Variants in CLOCK observed in about 807,000 individuals in gnomAD.
CLOCK encodes the protein clock circadian regulator, also known as circadian locomoter output cycles protein kaput.
Under a neutral mutation model 118.4 loss-of-function variants are expected in CLOCK, and 43 were observed. That is an observed-to-expected ratio of 0.36 (90% confidence interval 0.28 to 0.47). The LOEUF (loss-of-function observed/expected upper bound fraction) is 0.47. Among genes scored for constraint, CLOCK ranks in the 20% least tolerant of loss-of-function variants. The pLI is 1.00. For synonymous variants in CLOCK, 326 were observed against 339.2 expected (o/e 0.96, Z 0.43); for missense variants, 846 against 999.9 (o/e 0.85, Z 2.08).
intron 1 of CLOCK, among the ~76,000 whole-genome samples, chr4:55,512,483 C>T (rs903113513): frequency 6.6e-6 from 1 of 152,034 alleles, no homozygotes; most frequent in African/African-American, 2.4e-5. Context: ...GGATAAAAGT[C>T]CTTTATCAAA....
intron 14 of CLOCK, 44 bp from the exon 15 acceptor site, chr4:55,453,173 G>A (rs199827140): frequency 5.7e-4 from 827 of 1,453,624 alleles, no homozygotes; most frequent in Non-Finnish European, 7.0e-4. Context: ...CTGGTCATTC[G>A]TTTAAAATAC....
chr4:55,490,825 C>T (rs967307350), intron 2 of CLOCK, among the ~76,000 whole-genome samples: 20 of 152,284 alleles, frequency 1.3e-4, no homozygotes, highest in Admixed American at 7.2e-4. Context: ...AGAAGGCCAA[C>T]TGTATAGACC....
At chr4:55,544,460 ACAGT>A (rs1731479817) in intron 1 of CLOCK, among the ~76,000 whole-genome samples, 1 of 152,198 alleles carries the variant, frequency 6.6e-6, no homozygotes, top group African/African-American at 2.4e-5. Context: ...CCAAATGTAA[ACAGT>A]CATATATTTT....
In CLOCK at chr4:55,430,366, A is replaced by T. The variant is rs560589360; in HGVS notation, c.*5049T>A. The T allele has an allele frequency of 6.6e-6, 1 of 152,326 alleles. No homozygotes were observed. Among genetic ancestry groups the T allele is most frequent in the African/African-American group, 2.4e-5 (1 of 41,578 alleles). The allele number at this position is 152,326 out of a possible 1,614,324, so 9.4% of individuals were successfully genotyped here. A position where few individuals can be genotyped will look rare whatever the true frequency, so the allele number is the denominator to read the frequency against. On this transcript the variant is annotated 3_prime_UTR_variant, in exon 23 of 23. Coordinates refer to ENST00000513440, the MANE Select transcript of CLOCK (RefSeq NM_004898.4). The stretch of plus-strand genomic sequence containing the variant: ...CTGCAGAGTATTTTATTTAAGAAAA[A>T]CAAGGAATGTAGTGTTATGACATAG...
At chr4:55,501,433 TAAGAGA>T (rs1728434469) in intron 2 of CLOCK, among the ~76,000 whole-genome samples, 1 of 152,138 alleles carries the variant, frequency 6.6e-6, no homozygotes, top group Non-Finnish European at 1.5e-5. Context: ...TCTTTTTTTT[TAAGAGA>T]CAGGATCTCA....
At chr4:55,466,279 T>A (rs1487641013) in intron 8 of CLOCK, among the ~76,000 whole-genome samples, 1 of 152,148 alleles carries the variant, frequency 6.6e-6, no homozygotes, top group South Asian at 2.1e-4. Context: ...CCTGCTGCCA[T>A]GTGAAGAGGG....
Position 55,442,586 on chromosome 4 carries a change from T to C in CLOCK, c.1951A>G (p.Ser651Gly), listed in dbSNP as rs1250620057. The C allele has an allele frequency of 6.2e-7, 1 of 1,612,374 alleles. No homozygotes were observed. The highest frequency in any genetic ancestry group is 1.7e-5 in the Admixed American group (1 of 59,738). The change falls in exon 21 of 23, where the codon AGT (serine) becomes GGT (glycine). Residue 651 changes from serine (S) to glycine (G), a missense_variant. Physicochemically the swap from Ser to Gly is moderately conservative, Grantham distance 56. This residue lies in a region of CLOCK where 520 missense variants were observed against 558.0 expected (regional missense o/e 0.93). Coordinates refer to ENST00000513440, the MANE Select transcript of CLOCK (RefSeq NM_004898.4). ...GCTGTAAGAGTGCTCTGTGTCTGAC[T>C]GGGTAGAGATGTTTGCTGACTGTGC... ...SGHSQQTSLP[S>G]QTQSTLTAPL...
chr4:55,467,251 G>C (rs1349461793), intron 8 of CLOCK, among the ~76,000 whole-genome samples: 2 of 152,046 alleles, frequency 1.3e-5, no homozygotes, highest in Non-Finnish European at 2.9e-5. Context: ...ATTAGAAAGG[G>C]ATTTTTTTAA....
intron 20 of CLOCK, among the ~76,000 whole-genome samples, 197 bp from the exon 21 acceptor site, chr4:55,442,831 G>C (rs1386906954): frequency 6.6e-6 from 1 of 152,026 alleles, no homozygotes; most frequent in East Asian, 1.9e-4. Context: ...TATCTTGCTG[G>C]AAGGCAAGCT....
At chr4:55,455,272 A>G (rs982393459) in intron 13 of CLOCK, among the ~76,000 whole-genome samples, 10 of 152,238 alleles carry the variant, frequency 6.6e-5, no homozygotes, top group Non-Finnish European at 1.3e-4. Flanking sequence ...CCTAGGCTCC[A>G]ATCCTGTCTC....
At chr4:55,490,454 A>G (rs1284749297) in intron 2 of CLOCK, among the ~76,000 whole-genome samples, 1 of 151,964 alleles carries the variant, frequency 6.6e-6, no homozygotes, top group Non-Finnish European at 1.5e-5. Context: ...TAATGGACAG[A>G]TAATCCAAGA....
At chr4:55,440,887 G>A (rs555311000) in intron 21 of CLOCK, among the ~76,000 whole-genome samples, 21 of 152,212 alleles carry the variant, frequency 1.4e-4, no homozygotes, top group African/African-American at 4.8e-4. Flanking sequence ...AAGAGTCAGG[G>A]CAAGTATCTC....
intron 14 of CLOCK, 65 bp downstream of exon 14, chr4:55,453,612 G>A: frequency 6.8e-7 from 1 of 1,461,624 alleles, no homozygotes; most frequent in South Asian, 1.2e-5. Context: ...ACGCATAAAA[G>A]TTACAATGCC....
chr4:55,498,168 A>T (rs1728204903), intron 2 of CLOCK, among the ~76,000 whole-genome samples: 1 of 152,208 alleles, frequency 6.6e-6, no homozygotes, highest in Admixed American at 6.5e-5. Flanking sequence ...ATTATGTACT[A>T]CATCTATGAG....
At chr4:55,479,480 T>A (rs573237136) in intron 5 of CLOCK, among the ~76,000 whole-genome samples, 160 bp downstream of exon 5, 1 of 152,312 alleles carries the variant, frequency 6.6e-6, no homozygotes, top group South Asian at 2.1e-4. Context: ...AGATATTTAA[T>A]TTATAAACTA....
rs753672173 is a variant in CLOCK at position 55,453,671 on chromosome 4, T to C, written c.1130+6A>G. 14 of 1,607,266 alleles carry C rather than the reference T, an allele frequency of 8.7e-6. No homozygotes were observed. In the East Asian group the frequency reaches 3.1e-4, roughly 36 times the overall value. On this transcript the variant is annotated splice_donor_region_variant and intron_variant, in intron 14 of 22. Coordinates refer to ENST00000513440, the MANE Select transcript of CLOCK (RefSeq NM_004898.4). ...TAATTCAGAAATTCTCTAAAAGAATTATTACCTTACTACAGTGTGAGTACA... is the reference window on the plus strand; with the variant it reads ...TAATTCAGAAATTCTCTAAAAGAATCATTACCTTACTACAGTGTGAGTACA...
rs149637759 is a variant in CLOCK, at chr4:55,489,014, C to T, written c.-44+360G>A. 2.1e-4 allele frequency among the ~76,000 whole-genome samples: 32 copies of T among 152,344 alleles called. No individual in the cohort carries two copies. In the East Asian group the frequency reaches 4.6e-3, roughly 22 times the overall value. ...TCCCAAACTGCTAGGATTACAGGCA[C>T]AAGCCTTACAGTGCCCAGCCTTACA... is the stretch of plus-strand genomic sequence containing the variant. On this transcript the variant is annotated intron_variant, in intron 3 of 22. Transcript: ENST00000513440.
intron 1 of CLOCK, among the ~76,000 whole-genome samples, chr4:55,533,790 C>T (rs549207464): frequency 6.6e-6 from 1 of 152,152 alleles, no homozygotes; most frequent in Non-Finnish European, 1.5e-5. Context: ...GTAATCCCAG[C>T]TACTCGGGAG....
intron 1 of CLOCK, among the ~76,000 whole-genome samples, chr4:55,534,859 TTTAAA>T (rs1730783730): frequency 6.6e-6 from 1 of 152,200 alleles, no homozygotes; most frequent in Admixed American, 6.5e-5. Context: ...ATCAGTTTTC[TTTAAA>T]TTAATCTATA....
Sources: gnomAD v4.1 joint callset for allele counts (sites outside exome capture counted in the v4.1 genomes callset) on GRCh38, gnomAD v4.1.1 for gene constraint, gnomAD v4.1.1 regional missense constraint, MANE v1.5 for transcripts, NCBI Gene and HGNC (gene_info 2026-07-23, HGNC 2026-07-21) for gene names.